The following RABGAP1L variants were observed in gnomAD, a reference collection of about 807,000 sequenced individuals.
RABGAP1L encodes the protein rab GTPase-activating protein 1-like.
Under a neutral mutation model 137.7 loss-of-function variants are expected in RABGAP1L, and 63 were observed. That is an observed-to-expected ratio of 0.46 (90% CI 0.37 to 0.56). RABGAP1L has a LOEUF of 0.56. Ranked by LOEUF, RABGAP1L falls within the 20% of genes least tolerant of loss-of-function variation. The probability of loss-of-function intolerance (pLI) is 0.00; values close to 1 mark genes in which losing one functional copy is unlikely to be tolerated. For missense variants in RABGAP1L, 1,095 were observed against 1,244.0 expected, an observed-to-expected ratio of 0.88 and a Z score of 1.80; for synonymous variants, 431 against 433.7, an observed-to-expected ratio of 0.99 and a Z score of 0.08.
chr1:174,547,219 G>A (rs1666091993), intron 13 of RABGAP1L, among the ~76,000 whole-genome samples: 1 of 152,106 alleles, frequency 6.6e-6, no homozygotes, highest in Admixed American at 6.5e-5. Context: ...AAAGTTAGGG[G>A]TATAATTATA....
intron 19 of RABGAP1L, chr1:174,875,519 G>A: frequency 2.0e-6 from 2 of 985,262 alleles, no homozygotes; most frequent in Non-Finnish European, 2.4e-6. Context: ...GTCTTTGTCA[G>A]TGCACCTTAT....
chr1:174,173,832 G>A lies in RABGAP1L; in HGVS notation c.-34+14175G>A, dbSNP rs962368244. Among the ~76,000 whole-genome samples the A allele has an allele frequency of 2.0e-5, 3 of 152,122 alleles. No homozygotes were observed. The East Asian group carries it at 5.8e-4, about 29-fold the overall frequency. Reference sequence around the variant, plus strand: ...ATATGTAAACTGATCTGGGTTTCAAGTAAGGCTGTCTGGAATATCTGAGTT... The same window carrying A: ...ATATGTAAACTGATCTGGGTTTCAAATAAGGCTGTCTGGAATATCTGAGTT... On this transcript the variant is annotated intron_variant, in intron 1 of 25. Coordinates refer to ENST00000681986, the MANE Select transcript of RABGAP1L (RefSeq NM_001366446.1).
intron 13 of RABGAP1L, among the ~76,000 whole-genome samples, chr1:174,554,547 A>G (rs1429102259): frequency 6.6e-6 from 1 of 152,190 alleles, no homozygotes; most frequent in African/African-American, 2.4e-5. Context: ...ATTTCAAAGT[A>G]AAATATGCCA....
At chr1:174,369,963 T>A (rs982346741) in intron 11 of RABGAP1L, among the ~76,000 whole-genome samples, 6 of 152,358 alleles carry the variant, frequency 3.9e-5, no homozygotes, top group Middle Eastern at 3.4e-3. Context: ...GGCTGTGACC[T>A]AATGTTTTAA....
At chr1:174,419,748 C>T (rs1278474571) in intron 13 of RABGAP1L, among the ~76,000 whole-genome samples, 1 of 152,072 alleles carries the variant, frequency 6.6e-6, no homozygotes, top group Non-Finnish European at 1.5e-5. Context: ...TTAATTTATG[C>T]TTTATGTAAC....
At chr1:174,947,385 C>T (rs978105137) in intron 19 of RABGAP1L, among the ~76,000 whole-genome samples, 1 of 151,078 alleles carries the variant, frequency 6.6e-6, no homozygotes, top group African/African-American at 2.4e-5. Flanking sequence ...CGTGAGCTAC[C>T]ATGCCCAGCC....
At chr1:174,398,392 C>T (rs972887142) in intron 13 of RABGAP1L, among the ~76,000 whole-genome samples, 1 of 152,104 alleles carries the variant, frequency 6.6e-6, no homozygotes. Flanking sequence ...GTCTTTGTGG[C>T]TTGGCCAGCC....
At chr1:174,619,046 G>A (rs1336530629) in intron 13 of RABGAP1L, among the ~76,000 whole-genome samples, 1 of 152,150 alleles carries the variant, frequency 6.6e-6, no homozygotes, top group Non-Finnish European at 1.5e-5. Flanking sequence ...ATCAGTGATG[G>A]AAAATCAAAT....
chr1:174,579,748 C>A (rs1008031252), intron 13 of RABGAP1L, among the ~76,000 whole-genome samples: 2 of 152,090 alleles, frequency 1.3e-5, no homozygotes, highest in Admixed American at 6.6e-5. Flanking sequence ...AGGGGTAAAT[C>A]TTCATGACTT....
At chr1:174,802,477 C>T (rs1423313003) in intron 18 of RABGAP1L, among the ~76,000 whole-genome samples, 5 of 152,156 alleles carry the variant, frequency 3.3e-5, no homozygotes, top group Admixed American at 1.3e-4. Context: ...CGTGGTGGCA[C>T]GTGCCTTTAA....
intron 13 of RABGAP1L, among the ~76,000 whole-genome samples, chr1:174,470,429 A>G (rs939209454): frequency 4.6e-5 from 7 of 152,218 alleles, no homozygotes; most frequent in South Asian, 2.1e-4. Context: ...TCATGCATCC[A>G]TGTTGTAATC....
chr1:174,507,190 A>G (rs911198280), intron 13 of RABGAP1L, among the ~76,000 whole-genome samples: 1 of 152,234 alleles, frequency 6.6e-6, no homozygotes, highest in East Asian at 1.9e-4. Context: ...GTGCAGAGGA[A>G]TGGGACAGAA....
intron 19 of RABGAP1L, among the ~76,000 whole-genome samples, chr1:174,844,055 G>A (rs969541787): frequency 2.3e-4 from 35 of 150,972 alleles, no homozygotes; most frequent in African/African-American, 5.8e-4. Flanking sequence ...CATGTCCTTC[G>A]CCCACTTTTT....
intron 12 of RABGAP1L, among the ~76,000 whole-genome samples, chr1:174,380,123 TC>T (rs1685985951): frequency 6.6e-6 from 1 of 151,566 alleles, no homozygotes; most frequent in Admixed American, 6.6e-5. Context: ...CAGCCTTGCA[TC>T]CCAGGGTTGA....
At chr1:174,231,405 G>C in intron 4 of RABGAP1L, 50 bp downstream of exon 4, 1 of 1,528,868 alleles carries the variant, frequency 6.5e-7, no homozygotes, top group Non-Finnish European at 9.1e-7. Context: ...CTTTTGGGTG[G>C]TGGTGAAGAT....
In RABGAP1L at chr1:174,449,117, T is replaced by A; in HGVS notation, c.1710+54972T>A. The A allele has an allele frequency of 6.2e-7, 1 of 1,613,858 alleles. No homozygotes were observed. The highest frequency in any genetic ancestry group is 8.5e-7 in the Non-Finnish European group (1 of 1,179,724). On this transcript the variant is annotated intron_variant, in intron 13 of 25. Coordinates refer to ENST00000681986, the MANE Select transcript of RABGAP1L (RefSeq NM_001366446.1). ...CCTCCGAAGACTGTCTGAGACAATG[T>A]GCACATCCTGTATGTGTGTGAAGGA...
chr1:174,749,496 A>G (rs902526798), intron 17 of RABGAP1L, among the ~76,000 whole-genome samples: 1 of 148,982 alleles, frequency 6.7e-6, no homozygotes, highest in African/African-American at 2.5e-5. Flanking sequence ...CACCTGGCTA[A>G]TTTTTTTTTT....
At chr1:174,537,068 G>A (rs1405679112) in intron 13 of RABGAP1L, among the ~76,000 whole-genome samples, 2 of 152,118 alleles carry the variant, frequency 1.3e-5, no homozygotes, top group African/African-American at 4.8e-5. Flanking sequence ...TGGTTTCTTT[G>A]AAGTAGTTGG....
intron 12 of RABGAP1L, among the ~76,000 whole-genome samples, chr1:174,371,844 TC>T (rs1685137917): frequency 6.6e-6 from 1 of 152,332 alleles, no homozygotes; most frequent in South Asian, 2.1e-4. Flanking sequence ...ACCTCTTTTA[TC>T]CTTTCAAGAG....
Sources: gnomAD v4.1 joint callset for allele counts (sites outside exome capture counted in the v4.1 genomes callset) on GRCh38, gnomAD v4.1.1 for gene constraint, MANE v1.5 for transcripts, NCBI Gene and HGNC (gene_info 2026-07-23, HGNC 2026-07-21) for gene names.